HECTD4: variants seen among roughly 807,000 people sequenced by gnomAD.
The protein encoded by HECTD4 is HECT domain E3 ubiquitin protein ligase 4.
Under a neutral mutation model 471.5 loss-of-function variants are expected in HECTD4, and 114 were observed. That is an observed-to-expected ratio of 0.24 (90% CI 0.21 to 0.28). The LOEUF (loss-of-function observed/expected upper bound fraction) is 0.28, where lower values mean the gene tolerates loss of function less well. HECTD4 is among the 10% of genes least tolerant of loss of function. The pLI is 1.00. For missense variants in HECTD4, 3,866 were observed against 5,651.5 expected, an observed-to-expected ratio of 0.68 and a Z score of 10.13; for synonymous variants, 2,012 against 2,256.0, an observed-to-expected ratio of 0.89 and a Z score of 3.07.
intron 45 of HECTD4, among the ~76,000 whole-genome samples, chr12:112,218,015 C>A (rs564777316): frequency 6.6e-6 from 1 of 151,892 alleles, no homozygotes; most frequent in East Asian, 1.9e-4. Context: ...GAGACAGTCT[C>A]ATTCTGTCAT....
chr12:112,313,105 C>A lies in HECTD4; in HGVS notation c.828G>T (p.Leu276Phe). 1 of 1,535,486 alleles carries A rather than the reference C, an allele frequency of 6.5e-7. No homozygotes were observed. The highest frequency in any genetic ancestry group is 8.7e-7 in the Non-Finnish European group (1 of 1,146,544). ...LEGGPGSPSC[L>F]LGGKHIVSWG... ...ATGATACTATGTGTTTGCCCCCAAG[C>A]AAACAGGAGGGAGATCCAGGCCCCC... The change falls in exon 4 of 76, where the codon TTG becomes TTT. Residue 276 changes from leucine (L) to phenylalanine (F), a missense_variant. Transcript: ENST00000682272.
Position 112,319,473 on chromosome 12 carries a change from C to T in HECTD4, c.447G>A (p.Leu149=). Residue 149 remains leucine (L), a synonymous_variant, in exon 2 of 76, where the codon CTG becomes CTA. Coordinates refer to ENST00000682272, the MANE Select transcript of HECTD4 (RefSeq NM_001388303.1). This position sits in a 1 kb window ranked among gnomAD's most constrained non-coding sequence, Gnocchi z 5.3. ...TCTGGGACTGAATAAGGGGGAAGAC[C>T]AGCAGGAGCCCCATCCTCGATGTGA... ...APFTSRMGLL[L]VFPLIQSQSR... 6.6e-7 allele frequency: 1 copy of T among 1,518,808 alleles called. No individual in the cohort carries two copies. The highest frequency in any genetic ancestry group is 8.8e-7 in the Non-Finnish European group (1 of 1,136,482). 94.1% of individuals were successfully genotyped at this position (1,518,808 alleles called of 1,614,324 possible).
intron 66 of HECTD4, among the ~76,000 whole-genome samples, chr12:112,174,158 G>A (rs1374596223): frequency 6.6e-6 from 1 of 150,548 alleles, no homozygotes; most frequent in African/African-American, 2.4e-5. Flanking sequence ...TTGTAGAGAC[G>A]GGGTTTCACC....
In HECTD4 at chr12:112,193,238, A is replaced by T; in HGVS notation, c.8956-47T>A. 1 of 1,602,400 alleles carries T rather than the reference A, an allele frequency of 6.2e-7. No individual in the cohort carries two copies. The highest frequency in any genetic ancestry group is 8.5e-7 in the Non-Finnish European group (1 of 1,173,818). On this transcript the variant is annotated intron_variant, in intron 57 of 75. Coordinates refer to ENST00000682272, the MANE Select transcript of HECTD4 (RefSeq NM_001388303.1). This position sits in a 1 kb window ranked among gnomAD's most constrained non-coding sequence, Gnocchi z 5.2. Reference sequence around the variant, plus strand: ...GGAAAGCCACGGGCTAAACACAGGGACAGCATTTCATCTTCTCATCTCACA... The same window carrying T: ...GGAAAGCCACGGGCTAAACACAGGGTCAGCATTTCATCTTCTCATCTCACA...
intron 1 of HECTD4, among the ~76,000 whole-genome samples, chr12:112,333,384 A>G (rs2035880802): frequency 6.6e-6 from 1 of 152,254 alleles, no homozygotes. Flanking sequence ...TTCTGATTAT[A>G]GTCATCCTAG....
chr12:112,290,848 C>CAAAAAAAAAAAAAAA lies in HECTD4; in HGVS notation c.1336-7547_1336-7546insTTTTTTTTTTTTTTT, dbSNP rs773634720. Among the ~76,000 whole-genome samples the CAAAAAAAAAAAAAAA allele has an allele frequency of 3.0e-4, 26 of 86,208 alleles. 2 individuals are homozygous for CAAAAAAAAAAAAAAA. In the East Asian group the frequency reaches 4.2e-3, roughly 14 times the overall value. 56.6% of individuals were successfully genotyped at this position (86,208 alleles called of 152,430 possible). The stretch of plus-strand genomic sequence containing the variant: ...GAGCAACAAGAGCGAAACTCCGTCT[C>CAAAAAAAAAAAAAAA]AAAAAAAAACAAAACAAAAAAAAAA... On this transcript the variant is annotated intron_variant, in intron 7 of 75. Coordinates refer to ENST00000682272, the MANE Select transcript of HECTD4 (RefSeq NM_001388303.1).
chr12:112,187,099 C>T (rs1371216055), intron 60 of HECTD4, among the ~76,000 whole-genome samples: 1 of 152,110 alleles, frequency 6.6e-6, no homozygotes. Context: ...CCTGCCTCAG[C>T]CTCCCGAGTA....
chr12:112,324,860 T>G (rs1363851565), intron 1 of HECTD4, among the ~76,000 whole-genome samples: 1 of 152,214 alleles, frequency 6.6e-6, no homozygotes, highest in Admixed American at 6.5e-5. Context: ...TCAGTATTGT[T>G]ATTTCTTCCA....
chr12:112,284,599 C>T (rs1233483680), intron 7 of HECTD4, among the ~76,000 whole-genome samples: 1 of 152,128 alleles, frequency 6.6e-6, no homozygotes, highest in Non-Finnish European at 1.5e-5. Flanking sequence ...GTTACAGAGT[C>T]CAAAAATGCT....
intron 44 of HECTD4, among the ~76,000 whole-genome samples, chr12:112,225,620 C>CAAA (rs781152688): frequency 5.3e-5 from 3 of 56,278 alleles, no homozygotes; most frequent in Admixed American, 1.9e-4. Context: ...AATTGTAAGG[C>CAAA]AAAAAAAAAA....
At position 112,319,232 on chromosome 12, in the gene HECTD4, A is replaced by C. The variant is rs747160731; in HGVS notation, c.688T>G (p.Cys230Gly). The change falls in exon 2 of 76, where the codon TGT becomes GGT. Residue 230 changes from cysteine to glycine, a missense_variant. Cys to Gly is a radical substitution (Grantham distance 159). This residue lies in a region of HECTD4 where 440 missense variants were observed against 636.0 expected (regional missense o/e 0.69). Transcript: ENST00000682272. The surrounding 1 kb of genome is among the most constrained non-coding windows in gnomAD (Gnocchi z 5.3). ...NAAAALVALA[C>G]ARGSLKTFVH... ...ACATTCGATTTTCCTTACCTGGCAC[A>C]AGCCAAAGCCACCAGGGCAGCAGCA... 6.5e-7 allele frequency: 1 copy of C among 1,536,106 alleles called. No homozygotes were observed. Among genetic ancestry groups the C allele is most frequent in the South Asian group, 1.2e-5 (1 of 84,050 alleles).
intron 1 of HECTD4, among the ~76,000 whole-genome samples, chr12:112,352,524 C>A (rs1320460020): frequency 6.6e-6 from 1 of 151,676 alleles, no homozygotes; most frequent in Non-Finnish European, 1.5e-5. Flanking sequence ...TTAGTAGAGA[C>A]AGGGTTTTAC....
At chr12:112,357,640 T>G (rs1201087985) in intron 1 of HECTD4, among the ~76,000 whole-genome samples, 1 of 152,214 alleles carries the variant, frequency 6.6e-6, no homozygotes, top group Non-Finnish European at 1.5e-5. Flanking sequence ...GGTTAAATTA[T>G]CTTTAAGAAC....
intron 6 of HECTD4, among the ~76,000 whole-genome samples, chr12:112,308,458 C>CA (rs540084785): frequency 0.038 from 4,319 of 114,168 alleles, 80 homozygotes; most frequent in Non-Finnish European, 0.049. Flanking sequence ...AAAAACAAAA[C>CA]AAAAAAAAAA....
intron 32 of HECTD4, among the ~76,000 whole-genome samples, chr12:112,242,390 A>C (rs2033660402): frequency 6.6e-6 from 1 of 151,762 alleles, no homozygotes; most frequent in Admixed American, 6.6e-5. Context: ...AGACAGGAGG[A>C]TCCCTTGAGC....
At chr12:112,357,374 C>A (rs1347305538) in intron 1 of HECTD4, among the ~76,000 whole-genome samples, 1 of 152,154 alleles carries the variant, frequency 6.6e-6, no homozygotes, top group Non-Finnish European at 1.5e-5. Flanking sequence ...GATAAAACGC[C>A]AATAGGCTGA....
At chr12:112,244,167 T>C (rs2033704858) in intron 29 of HECTD4, among the ~76,000 whole-genome samples, 158 bp from the exon 30 acceptor site, 1 of 152,130 alleles carries the variant, frequency 6.6e-6, no homozygotes, top group Non-Finnish European at 1.5e-5. Flanking sequence ...TTTACATCAA[T>C]TTTTTAACCT....
chr12:112,311,815 GT>G lies in HECTD4; in HGVS notation c.916+1201del, dbSNP rs549868820. 3.9e-5 allele frequency among the ~76,000 whole-genome samples: 6 copies of G among 152,224 alleles called. No individual in the cohort carries two copies. The South Asian group carries it at 1.2e-3, about 32-fold the overall frequency. On this transcript the variant is annotated intron_variant, in intron 4 of 75. Transcript: ENST00000682272. ...TTAAAAGGAGAGAATCAAGAAAGAA[GT>G]TTTAGTTCTATATTAAGAAGTAAGT...
chr12:112,382,130 GC>G lies in HECTD4; in HGVS notation c.-3del. 2 of 1,218,106 alleles carry G rather than the reference GC, an allele frequency of 1.6e-6. No homozygotes were observed. The highest frequency in any genetic ancestry group is 3.2e-5 in the African/African-American group (2 of 62,096). 75.5% of individuals were successfully genotyped at this position (1,218,106 alleles called of 1,614,324 possible). A position where few individuals can be genotyped will look rare whatever the true frequency, so the allele number is the denominator to read the frequency against. ...CGCCGCGGCCGCCGACGAGCCCATG[GC>G]CCCGGCTGAAGGCTTGGCGCTGAGG... On this transcript the variant is annotated 5_prime_UTR_variant, in exon 1 of 76. Coordinates refer to ENST00000682272, the MANE Select transcript of HECTD4 (RefSeq NM_001388303.1).
Sources: allele counts gnomAD v4.1 joint callset (sites outside exome capture counted in the v4.1 genomes callset), GRCh38; gene constraint gnomAD v4.1.1; regional missense constraint gnomAD v4.1.1; non-coding constraint Gnocchi (gnomAD v3.1); transcripts MANE v1.5; gene names NCBI Gene and HGNC (gene_info 2026-07-23, HGNC 2026-07-21).